Variants in ELMO1 observed in about 807,000 individuals in gnomAD.
The protein encoded by ELMO1 is engulfment and cell motility protein 1.
A neutral mutation model predicts 98.9 loss-of-function variants in ELMO1; 26 were observed. That is an observed-to-expected ratio of 0.26 (90% CI 0.19 to 0.36). The LOEUF (loss-of-function observed/expected upper bound fraction) is 0.36, where lower values mean the gene tolerates loss of function less well. ELMO1 is among the 10% of genes least tolerant of loss of function. ELMO1 has a pLI of 1.00. For missense variants in ELMO1, 627 were observed against 935.2 expected, an observed-to-expected ratio of 0.67 and a Z score of 4.30; for synonymous variants, 346 against 346.0, an observed-to-expected ratio of 1.00 and a Z score of 0.00.
chr7:37,252,880 A>T (rs1795431237), intron 6 of ELMO1, among the ~76,000 whole-genome samples: 1 of 152,230 alleles, frequency 6.6e-6, no homozygotes, highest in Non-Finnish European at 1.5e-5. Flanking sequence ...AAACAAATTT[A>T]CAAGAAAAAA....
intron 1 of ELMO1, among the ~76,000 whole-genome samples, chr7:37,385,534 C>T (rs1199364159): frequency 6.6e-6 from 1 of 152,218 alleles, no homozygotes; most frequent in African/African-American, 2.4e-5. Context: ...GTCCTTCCCA[C>T]TCCACTCCCC....
intron 4 of ELMO1, among the ~76,000 whole-genome samples, chr7:37,311,482 T>G (rs1798885897): frequency 6.6e-6 from 1 of 152,180 alleles, no homozygotes; most frequent in Non-Finnish European, 1.5e-5. Context: ...AAATATAACC[T>G]AACAAATCAC....
chr7:37,379,261 C>T (rs111955975), intron 1 of ELMO1, among the ~76,000 whole-genome samples: 5,884 of 152,138 alleles, frequency 0.039, 386 homozygotes, highest in African/African-American at 0.13. Context: ...AGGATGGTCT[C>T]GATCTCCTGA....
chr7:36,963,775 A>G (rs1789172676), intron 16 of ELMO1, among the ~76,000 whole-genome samples: 1 of 152,202 alleles, frequency 6.6e-6, no homozygotes, highest in South Asian at 2.1e-4. Context: ...CAGACTCCTG[A>G]GAGAGTCAAC....
intron 14 of ELMO1, among the ~76,000 whole-genome samples, chr7:37,121,893 G>A (rs1460649785): frequency 3.9e-5 from 6 of 152,094 alleles, no homozygotes; most frequent in Admixed American, 6.5e-5. Flanking sequence ...GAGAAAGGAC[G>A]GGTTACCCAC....
intron 15 of ELMO1, among the ~76,000 whole-genome samples, chr7:37,057,342 T>C (rs1005928242): frequency 3.9e-5 from 6 of 151,950 alleles, no homozygotes; most frequent in Non-Finnish European, 7.4e-5. Context: ...GAGAATGAAG[T>C]GTTAGAAGAC....
chr7:37,398,699 T>A (rs1267425090), intron 1 of ELMO1, among the ~76,000 whole-genome samples: 1 of 152,202 alleles, frequency 6.6e-6, no homozygotes, highest in Admixed American at 6.5e-5. Context: ...AGTTTTCTGC[T>A]GCACCAACAC....
At chr7:37,031,488 C>T (rs1297472120) in intron 15 of ELMO1, among the ~76,000 whole-genome samples, 1 of 152,146 alleles carries the variant, frequency 6.6e-6, no homozygotes, top group Non-Finnish European at 1.5e-5. Flanking sequence ...CATCTCAATT[C>T]GCTCCTCAGT....
chr7:37,196,247 C>G (rs571973613), intron 13 of ELMO1, among the ~76,000 whole-genome samples: 17 of 152,302 alleles, frequency 1.1e-4, no homozygotes, highest in African/African-American at 3.6e-4. Context: ...AGCAAGACAG[C>G]ACAGCCTCGA....
At chr7:37,171,483 ATTTTTTTTTTT>A (rs71780142) in intron 13 of ELMO1, among the ~76,000 whole-genome samples, 25 of 82,944 alleles carry the variant, frequency 3.0e-4, no homozygotes, top group East Asian at 4.7e-4. Flanking sequence ...AGGCCTTTCT[ATTTTTTTTTTT>A]TTTTTTTTTT....
intron 13 of ELMO1, among the ~76,000 whole-genome samples, chr7:37,176,972 T>C (rs1418050108): frequency 6.6e-6 from 1 of 152,186 alleles, no homozygotes; most frequent in African/African-American, 2.4e-5. Flanking sequence ...TAAAAATGCT[T>C]AGGAAGGACT....
At chr7:36,916,018 C>A (rs148621712) in intron 16 of ELMO1, among the ~76,000 whole-genome samples, 1 of 152,290 alleles carries the variant, frequency 6.6e-6, no homozygotes, top group East Asian at 1.9e-4. Context: ...GAAATCTAAG[C>A]TTTTCCCGTT....
At chr7:37,076,780 TG>T (rs1797604228) in intron 15 of ELMO1, among the ~76,000 whole-genome samples, 1 of 152,160 alleles carries the variant, frequency 6.6e-6, no homozygotes, top group South Asian at 2.1e-4. Context: ...ATCCTGAGGG[TG>T]CACAACGCTC....
chr7:37,215,117 AT>A (rs1793205977), intron 11 of ELMO1, among the ~76,000 whole-genome samples: 1 of 152,202 alleles, frequency 6.6e-6, no homozygotes, highest in South Asian at 2.1e-4. Context: ...TTCATTTCAG[AT>A]TTCAGTTCCA....
At chr7:37,286,406 A>T (rs546278758) in intron 4 of ELMO1, among the ~76,000 whole-genome samples, 2 of 152,364 alleles carry the variant, frequency 1.3e-5, no homozygotes, top group Admixed American at 6.5e-5. Flanking sequence ...GCCCCTGGCA[A>T]GCAATAGGTG....
rs571465936 is a variant in ELMO1, at chr7:37,177,911, A to G, written c.1086+33475T>C. Among the ~76,000 whole-genome samples, 148 of 152,302 alleles carry G rather than the reference A, an allele frequency of 9.7e-4. 1 individual carries two copies. Among genetic ancestry groups the G allele is most frequent in the African/African-American group, 3.4e-3 (143 of 41,554 alleles). ...TTTCTAAAATATCCACAGATCCATCAAACCAAATAAATGCCCCTCCCCCAA... is the reference window on the plus strand; with the variant it reads ...TTTCTAAAATATCCACAGATCCATCGAACCAAATAAATGCCCCTCCCCCAA... On this transcript the variant is annotated intron_variant, in intron 13 of 21. Transcript: ENST00000310758.
intron 15 of ELMO1, among the ~76,000 whole-genome samples, chr7:37,050,008 G>A (rs1045017231): frequency 1.3e-5 from 2 of 151,930 alleles, no homozygotes; most frequent in African/African-American, 4.8e-5. Flanking sequence ...TCGAACTCCC[G>A]ACCTCAGGTG....
chr7:37,061,024 T>C (rs978931398), intron 15 of ELMO1, among the ~76,000 whole-genome samples: 1 of 152,174 alleles, frequency 6.6e-6, no homozygotes, highest in Non-Finnish European at 1.5e-5. Context: ...TTATCATTTA[T>C]ATTTTGGTTT....
At chr7:37,272,173 C>G (rs1053690967) in intron 4 of ELMO1, among the ~76,000 whole-genome samples, 5 of 152,164 alleles carry the variant, frequency 3.3e-5, no homozygotes, top group Non-Finnish European at 5.9e-5. Context: ...TTCTACAATT[C>G]CTGACTCCTA....
Sources: allele counts gnomAD v4.1 joint callset (sites outside exome capture counted in the v4.1 genomes callset), GRCh38; gene constraint gnomAD v4.1.1; transcripts MANE v1.5; gene names NCBI Gene and HGNC (gene_info 2026-07-23, HGNC 2026-07-21).